The following CHID1 variants were observed in gnomAD, a reference collection of about 807,000 sequenced individuals.
The protein encoded by CHID1 is chitinase domain-containing protein 1.
CHID1 carries 44 observed loss-of-function variants against 55.4 expected under a neutral mutation model. The ratio of observed to expected loss-of-function variants is 0.79; its 90% CI spans 0.62 to 1.02. CHID1 has a LOEUF of 1.02. Among genes scored for constraint, CHID1 ranks in the 50% least tolerant of loss-of-function variants. CHID1 has a pLI of 0.00. For missense variants in CHID1, 491 were observed against 515.3 expected, an observed-to-expected ratio of 0.95 and a Z score of 0.46; for synonymous variants, 216 against 212.9, an observed-to-expected ratio of 1.01 and a Z score of -0.13.
intron 1 of CHID1, among the ~76,000 whole-genome samples, chr11:907,152 T>C (rs766425047): frequency 6.6e-6 from 1 of 152,096 alleles, no homozygotes; most frequent in Non-Finnish European, 1.5e-5. Flanking sequence ...TATTACACTG[T>C]TCACTTTCAG....
Position 902,279 on chromosome 11 carries a change from G to C in CHID1, c.313C>G (p.Gln105Glu). The change falls in exon 4 of 13, where the codon CAG (glutamine) becomes GAG (glutamate). Residue 105 changes from glutamine (Q) to glutamate (E), a missense_variant. By Grantham distance (29) the Gln-to-Glu change is conservative (BLOSUM62 2). Transcript: ENST00000323578. ...AGCTGCAGCCAGACGGGTGAGATCT[G>C]TGTGAACTTGCTCCCAAAGACCTTG... is the stretch of plus-strand genomic sequence containing the variant. ...VTKVFGSKFT[Q>E]ISPVWLQLKR... 1 of 1,613,976 alleles carries C rather than the reference G, an allele frequency of 6.2e-7. No individual in the cohort carries two copies. Among genetic ancestry groups the C allele is most frequent in the Non-Finnish European group, 8.5e-7 (1 of 1,179,926 alleles).
intron 3 of CHID1, 116 bp from the exon 4 acceptor site, chr11:902,446 C>T (rs1446141132): frequency 8.8e-7 from 1 of 1,137,670 alleles, no homozygotes; most frequent in Non-Finnish European, 1.3e-6. Context: ...TAGACAGATA[C>T]CAGCCCGGAC....
At chr11:905,304 C>T (rs1000752571) in intron 1 of CHID1, among the ~76,000 whole-genome samples, 8 of 152,238 alleles carry the variant, frequency 5.3e-5, no homozygotes, top group Non-Finnish European at 1.0e-4. Context: ...TTTGGGAGAC[C>T]GAGGTGGGAA....
Position 868,651 on chromosome 11 carries a change from A to AC in CHID1, c.*1206dup. On this transcript the variant is annotated 3_prime_UTR_variant, in exon 13 of 13. Coordinates refer to ENST00000323578, the MANE Select transcript of CHID1 (RefSeq NM_023947.4). ...GTGGGTGCCTTGGGTCCGACCCAGG[A>AC]CCCCCTCCCCAGCTCCCGTCCTGTG... 6.6e-6 allele frequency: 1 copy of AC among 150,466 alleles called. No individual in the cohort carries two copies. Among genetic ancestry groups the AC allele is most frequent in the Non-Finnish European group, 1.5e-5 (1 of 67,580 alleles). The allele number at this position is 150,466 out of a possible 1,614,324, so 9.3% of individuals were successfully genotyped here.
At chr11:913,148 C>T (rs546824740), upstream of CHID1, among the ~76,000 whole-genome samples, 4 of 150,042 alleles carry the variant, frequency 2.7e-5, no homozygotes, top group Non-Finnish European at 5.9e-5. Context: ...ATTGCCCCCC[C>T]CCGCAAAAAA....
intron 2 of CHID1, chr11:903,847 GC>G: frequency 1.2e-5 from 2 of 165,778 alleles, no homozygotes; most frequent in Non-Finnish European, 2.5e-5. Context: ...GCCTGCCACC[GC>G]CCCCGCCAAC....
At position 875,358 on chromosome 11, in the gene CHID1, G is replaced by A. The variant is rs552325215; in HGVS notation, c.960-4859C>T. ...CTGACCGGAGGCCCTGAGGTTCACC[G>A]TCTCCCGCTCGGGGAGGCGGGCGTG... On this transcript the variant is annotated intron_variant, in intron 10 of 12. Transcript: ENST00000323578. This position sits in a 1 kb window ranked among gnomAD's most constrained non-coding sequence, Gnocchi z 4.7. Among the ~76,000 whole-genome samples, 10 of 152,354 alleles carry A rather than the reference G, an allele frequency of 6.6e-5. No homozygotes were observed. Among genetic ancestry groups the A allele is most frequent in the East Asian group, 1.9e-4 (1 of 5,180 alleles).
At position 869,498 on chromosome 11, in the gene CHID1, G is replaced by A. The variant is rs1321106654; in HGVS notation, c.*360C>T. 5 of 337,136 alleles carry A rather than the reference G, an allele frequency of 1.5e-5. No individual in the cohort carries two copies. 20.9% of individuals were successfully genotyped at this position (337,136 alleles called of 1,614,324 possible). A position where few individuals can be genotyped will look rare whatever the true frequency, so the allele number is the denominator to read the frequency against. On this transcript the variant is annotated 3_prime_UTR_variant, in exon 13 of 13. Transcript: ENST00000323578. ...ATCCAGGAGTGGGCGAGTCCGGGATGGTTCCAGAGCTTCCAAACCCACATC... is the reference window on the plus strand; with the variant it reads ...ATCCAGGAGTGGGCGAGTCCGGGATAGTTCCAGAGCTTCCAAACCCACATC...
chr11:877,959 T>C (rs1309710371), intron 10 of CHID1, among the ~76,000 whole-genome samples: 12 of 152,294 alleles, frequency 7.9e-5, no homozygotes, highest in African/African-American at 1.4e-4. Flanking sequence ...TGGGTGACCA[T>C]GGGCATGGGA....
intron 8 of CHID1, among the ~76,000 whole-genome samples, chr11:889,041 G>A (rs1850610705): frequency 6.6e-6 from 1 of 152,192 alleles, no homozygotes; most frequent in South Asian, 2.1e-4. Flanking sequence ...GGGCCCTGGG[G>A]GTGCACTGCC....
In CHID1 at chr11:882,895, C is replaced by G. The variant is rs551008481; in HGVS notation, c.959+253G>C. On this transcript the variant is annotated intron_variant, in intron 10 of 12. Transcript: ENST00000323578. Reference sequence around the variant, plus strand: ...CAAGGCTGACGGGTGGGGGAAGCCTCAGTCCCAGCCTCACGCAGATGTGGG... The same window carrying G: ...CAAGGCTGACGGGTGGGGGAAGCCTGAGTCCCAGCCTCACGCAGATGTGGG... The G allele has an allele frequency of 2.2e-4, 94 of 436,608 alleles. 1 individual carries two copies. Among genetic ancestry groups the G allele is most frequent in the Middle Eastern group, 1.3e-3 (2 of 1,594 alleles). 27.0% of individuals were successfully genotyped at this position (436,608 alleles called of 1,614,324 possible). A position where few individuals can be genotyped will look rare whatever the true frequency, so the allele number is the denominator to read the frequency against.
chr11:898,354 G>A (rs1851533974), intron 7 of CHID1, among the ~76,000 whole-genome samples: 1 of 152,196 alleles, frequency 6.6e-6, no homozygotes, highest in South Asian at 2.1e-4. Flanking sequence ...TTCAGGTGGT[G>A]GGGGCGGGGG....
intron 1 of CHID1, among the ~76,000 whole-genome samples, chr11:905,980 A>G (rs1229389904): frequency 6.6e-6 from 1 of 152,250 alleles, no homozygotes; most frequent in Non-Finnish European, 1.5e-5. Flanking sequence ...TATTCATAAC[A>G]TGCAAATAAA....
intron 1 of CHID1, among the ~76,000 whole-genome samples, chr11:909,035 C>T (rs1852442529): frequency 6.6e-6 from 1 of 152,220 alleles, no homozygotes; most frequent in Non-Finnish European, 1.5e-5. Context: ...TGGATACAGG[C>T]TGCTCACAAA....
chr11:900,544 C>A (rs537770273), intron 5 of CHID1, among the ~76,000 whole-genome samples: 54 of 152,330 alleles, frequency 3.5e-4, no homozygotes, highest in Non-Finnish European at 7.2e-4. Flanking sequence ...CATGTCCCCC[C>A]TTCCCCAGCC....
intron 2 of CHID1, among the ~76,000 whole-genome samples, chr11:904,312 G>C (rs1852045923): frequency 6.6e-6 from 1 of 152,224 alleles, no homozygotes; most frequent in African/African-American, 2.4e-5. Context: ...GCAATCCCCA[G>C]GGCCATCCCA....
Position 899,996 on chromosome 11 carries a change from G to T in CHID1, c.546+8C>A. 1.9e-6 allele frequency: 3 copies of T among 1,605,176 alleles called. No homozygotes were observed. Among genetic ancestry groups the T allele is most frequent in the Non-Finnish European group, 2.6e-6 (3 of 1,172,132 alleles). ...TGCTCAGAGGCTGGAGCAGCACACA[G>T]GTCTCACCTTTGCCACCTGGACCAC... On this transcript the variant is annotated splice_region_variant and intron_variant, in intron 6 of 12. Transcript: ENST00000323578.
In CHID1 at chr11:902,834, C is replaced by G. The variant is rs964609302; in HGVS notation, c.261+128G>C. The G allele has an allele frequency of 3.5e-6, 3 of 868,968 alleles. No individual in the cohort carries two copies. In the African/African-American group the frequency reaches 5.0e-5, roughly 15 times the overall value. 53.8% of individuals were successfully genotyped at this position (868,968 alleles called of 1,614,324 possible). On this transcript the variant is annotated intron_variant, in intron 3 of 12. Coordinates refer to ENST00000323578, the MANE Select transcript of CHID1 (RefSeq NM_023947.4). ...CATCTCTCCCACCGTAGCCTCACAG[C>G]AGCAGCAGCTCCGGGAGATCAGAAC...
At position 891,236 on chromosome 11, in the gene CHID1, G is replaced by A. The variant is rs547489360; in HGVS notation, c.701+2191C>T. On this transcript the variant is annotated intron_variant, in intron 8 of 12. Transcript: ENST00000323578. Reference sequence around the variant, plus strand: ...ACAGCCCTGTGCTCCAGTGGAGCGGGCGCACAACAGCAGTGCCCAGCCCTC... The same window carrying A: ...ACAGCCCTGTGCTCCAGTGGAGCGGACGCACAACAGCAGTGCCCAGCCCTC... Among the ~76,000 whole-genome samples, 3 of 152,228 alleles carry A rather than the reference G, an allele frequency of 2.0e-5. No individual in the cohort carries two copies. In the South Asian group the frequency reaches 6.2e-4, roughly 32 times the overall value.
Sources: gnomAD v4.1 joint callset for allele counts (sites outside exome capture counted in the v4.1 genomes callset) on GRCh38, gnomAD v4.1.1 for gene constraint, Gnocchi (gnomAD v3.1) non-coding constraint, MANE v1.5 for transcripts, NCBI Gene and HGNC (gene_info 2026-07-23, HGNC 2026-07-21) for gene names.